The following AP2A2 variants were observed in gnomAD, a reference collection of about 807,000 sequenced individuals.
AP2A2 encodes the protein adaptor related protein complex 2 subunit alpha 2.
A neutral mutation model predicts 104.2 loss-of-function variants in AP2A2; 32 were observed. That is an observed-to-expected ratio of 0.31 (90% CI 0.23 to 0.41). AP2A2 has a LOEUF of 0.41. Ranked by LOEUF, AP2A2 falls within the 10% of genes least tolerant of loss-of-function variation. The pLI is 1.00. For synonymous variants in AP2A2, 539 were observed against 533.3 expected (o/e 1.01, Z -0.15); for missense variants, 912 against 1,261.0 (o/e 0.72, Z 4.19).
At chr11:963,761 C>G (rs1854520627) in intron 2 of AP2A2, among the ~76,000 whole-genome samples, 1 of 152,198 alleles carries the variant, frequency 6.6e-6, no homozygotes, top group African/African-American at 2.4e-5. Context: ...TAACTGGGAC[C>G]ACAGGCGCGC....
At chr11:928,272 T>C (rs1275211560) in intron 1 of AP2A2, among the ~76,000 whole-genome samples, 3 of 152,242 alleles carry the variant, frequency 2.0e-5, no homozygotes, top group Non-Finnish European at 2.9e-5. Context: ...CATATAACTT[T>C]TATTACAGTA....
At chr11:950,485 T>A (rs2134521982) in intron 1 of AP2A2, among the ~76,000 whole-genome samples, 1 of 152,180 alleles carries the variant, frequency 6.6e-6, no homozygotes, top group South Asian at 2.1e-4. Context: ...ATTTTTGTGT[T>A]TTTTTGTAGA....
Position 1,010,627 on chromosome 11 carries a change from C to G in AP2A2, c.*2C>G. On this transcript the variant is annotated 3_prime_UTR_variant, in exon 22 of 22. Coordinates refer to ENST00000448903, the MANE Select transcript of AP2A2 (RefSeq NM_012305.4). ...GAATTGCTCTCAGCGCAGTTTTAGT[C>G]CTGAGGATGGAAGACCAGGCTCGTG... 3 of 1,589,276 alleles carry G rather than the reference C, an allele frequency of 1.9e-6. No homozygotes were observed. Among genetic ancestry groups the G allele is most frequent in the Non-Finnish European group, 2.6e-6 (3 of 1,167,418 alleles).
At chr11:926,446 C>T (rs1043198537) in intron 1 of AP2A2, among the ~76,000 whole-genome samples, 2 of 151,948 alleles carry the variant, frequency 1.3e-5, no homozygotes, top group African/African-American at 4.8e-5. Flanking sequence ...GGCCCTTCAT[C>T]CACATCTCCA....
chr11:934,589 G>A (rs1241191601), intron 1 of AP2A2, among the ~76,000 whole-genome samples: 4 of 152,166 alleles, frequency 2.6e-5, no homozygotes, highest in Admixed American at 2.0e-4. Context: ...TTTGGTGTCT[G>A]TCTACGGGTT....
intron 1 of AP2A2, among the ~76,000 whole-genome samples, chr11:933,871 C>G (rs1853367711): frequency 6.6e-6 from 1 of 152,118 alleles, no homozygotes; most frequent in African/African-American, 2.4e-5. Flanking sequence ...TCAGTTGATT[C>G]TCGATTTTAA....
intron 14 of AP2A2, among the ~76,000 whole-genome samples, chr11:999,803 C>CTTTTTTTTTT (rs71022992): frequency 8.0e-6 from 1 of 124,698 alleles, no homozygotes; most frequent in African/African-American, 2.9e-5. Flanking sequence ...TTAGTTCTTT[C>CTTTTTTTTTT]TTTTTTTTTT....
chr11:937,953 G>A (rs117176397), intron 1 of AP2A2, among the ~76,000 whole-genome samples: 3,182 of 152,300 alleles, frequency 0.021, 46 homozygotes, highest in Non-Finnish European at 0.029. Context: ...CCCCTGAGAT[G>A]CCTGCCTGCC....
At chr11:959,121 T>C (rs1286599105) in intron 1 of AP2A2, among the ~76,000 whole-genome samples, 1 of 152,198 alleles carries the variant, frequency 6.6e-6, no homozygotes, top group Non-Finnish European at 1.5e-5. Context: ...CTGAGCTTGG[T>C]AAAGAGGTAG....
intron 17 of AP2A2, chr11:1,007,389 C>T (rs190712844): frequency 6.4e-6 from 1 of 155,734 alleles, no homozygotes; most frequent in Admixed American, 6.2e-5. Context: ...GCTCTGACTC[C>T]TACTGCGCCC....
chr11:959,316 T>C (rs1854348448), intron 1 of AP2A2, 121 bp from the exon 2 acceptor site: 3 of 718,022 alleles, frequency 4.2e-6, no homozygotes, highest in Non-Finnish European at 7.2e-6. Context: ...CTTCGGCTTT[T>C]CTCCTGCCTT....
intron 1 of AP2A2, among the ~76,000 whole-genome samples, chr11:927,353 C>T (rs924322267): frequency 2.0e-5 from 3 of 152,082 alleles, no homozygotes; most frequent in South Asian, 2.1e-4. Flanking sequence ...GCGTGAGCCA[C>T]GGCACCCTCA....
At position 993,403 on chromosome 11, in the gene AP2A2, G is replaced by A. The variant is rs758282558; in HGVS notation, c.1550+22G>A. The A allele has an allele frequency of 1.6e-5, 26 of 1,581,918 alleles. No homozygotes were observed. Among genetic ancestry groups the A allele is most frequent in the Non-Finnish European group, 2.1e-5 (25 of 1,165,016 alleles). On this transcript the variant is annotated intron_variant, in intron 12 of 21. Transcript: ENST00000448903. The surrounding 1 kb of genome is among the most constrained non-coding windows in gnomAD (Gnocchi z 8.2). ...CCAGGTGAGAGGCCCTTTGCGAGTC[G>A]GGGCTGTGTGCGCTCCGGCGGGCCT...
chr11:1,003,463 A>G (rs916084882), intron 15 of AP2A2, among the ~76,000 whole-genome samples: 1 of 152,274 alleles, frequency 6.6e-6, no homozygotes, highest in Non-Finnish European at 1.5e-5. Context: ...GTGGACCAGC[A>G]TGTTCCTGAA....
intron 15 of AP2A2, among the ~76,000 whole-genome samples, chr11:1,003,281 C>T (rs1435715208): frequency 6.6e-6 from 1 of 152,192 alleles, no homozygotes; most frequent in South Asian, 2.1e-4. Flanking sequence ...GGGTGGATGG[C>T]TGGGTGCCCG....
In AP2A2 at chr11:1,011,045, T is replaced by A. The variant is rs750496509; in HGVS notation, c.*420T>A. On this transcript the variant is annotated 3_prime_UTR_variant, in exon 22 of 22. Transcript: ENST00000448903. ...ATGGCGTGGGCTGAGCCTTGGTGTG[T>A]GGCCGTCCTGGTGGCTGCACACCTG... is the stretch of plus-strand genomic sequence containing the variant. 1 of 644,752 alleles carries A rather than the reference T, an allele frequency of 1.6e-6. No individual in the cohort carries two copies. The highest frequency in any genetic ancestry group is 2.9e-6 in the Non-Finnish European group (1 of 342,822). 39.9% of individuals were successfully genotyped at this position (644,752 alleles called of 1,614,324 possible).
chr11:997,734 G>A (rs1003726455), intron 14 of AP2A2, among the ~76,000 whole-genome samples: 16 of 151,968 alleles, frequency 1.1e-4, no homozygotes, highest in Non-Finnish European at 1.6e-4. Context: ...GTGAAACCCC[G>A]TCTCTTCTAA....
intron 14 of AP2A2, chr11:995,477 A>C: frequency 2.2e-6 from 1 of 454,866 alleles, no homozygotes; most frequent in Non-Finnish European, 4.4e-6. Flanking sequence ...TCTCTCCAGG[A>C]CGCAGGTCCA....
In AP2A2 at chr11:1,011,531, C is replaced by A. The variant is rs752216705; in HGVS notation, c.*906C>A. 3 of 482,778 alleles carry A rather than the reference C, an allele frequency of 6.2e-6. No homozygotes were observed. The highest frequency in any genetic ancestry group is 8.3e-6 in the Non-Finnish European group (2 of 241,626). 29.9% of individuals were successfully genotyped at this position (482,778 alleles called of 1,614,324 possible). A position where few individuals can be genotyped will look rare whatever the true frequency, so the allele number is the denominator to read the frequency against. On this transcript the variant is annotated 3_prime_UTR_variant, in exon 22 of 22. Transcript: ENST00000448903. ...GTCAGGAAGTGAAGGGGCCATTGGC[C>A]GCATGCCATGTGCCACCTGCGGCTT...
Sources: gnomAD v4.1 joint callset for allele counts (sites outside exome capture counted in the v4.1 genomes callset) on GRCh38, gnomAD v4.1.1 for gene constraint, Gnocchi (gnomAD v3.1) non-coding constraint, MANE v1.5 for transcripts, NCBI Gene and HGNC (gene_info 2026-07-23, HGNC 2026-07-21) for gene names.